Variants in PHACTR4 observed in about 807,000 individuals in gnomAD.
PHACTR4 encodes phosphatase and actin regulator 4.
A neutral mutation model predicts 72.7 loss-of-function variants in PHACTR4; 51 were observed. The observed-to-expected ratio is 0.70, with a 90% CI of 0.56 to 0.89. The LOEUF (loss-of-function observed/expected upper bound fraction) is 0.89, where lower values mean the gene tolerates loss of function less well. Ranked by LOEUF, PHACTR4 falls within the 40% of genes least tolerant of loss-of-function variation. The pLI is 0.00. For synonymous variants in PHACTR4, 255 were observed against 302.5 expected (o/e 0.84, Z 1.63); for missense variants, 731 against 861.8 (o/e 0.85, Z 1.90).
At chr1:28,379,200 C>G (rs942192345) in intron 1 of PHACTR4, among the ~76,000 whole-genome samples, 1 of 152,002 alleles carries the variant, frequency 6.6e-6, no homozygotes, top group Admixed American at 6.6e-5. Context: ...AGCGATCTTC[C>G]TGCCTGGGCC....
At chr1:28,375,384 A>G (rs1379563056) in intron 1 of PHACTR4, among the ~76,000 whole-genome samples, 1 of 148,496 alleles carries the variant, frequency 6.7e-6, no homozygotes, top group Non-Finnish European at 1.5e-5. Context: ...AAGATTATTT[A>G]TAAAGAGAGA....
At chr1:28,426,208 G>A (rs1212024084) in intron 2 of PHACTR4, among the ~76,000 whole-genome samples, 1 of 138,014 alleles carries the variant, frequency 7.2e-6, no homozygotes, top group African/African-American at 3.0e-5. Flanking sequence ...GCAACAGAGC[G>A]AGAAACCTTC....
chr1:28,497,186 AT>A lies in PHACTR4; in HGVS notation c.*638del, dbSNP rs1455127029. On this transcript the variant is annotated 3_prime_UTR_variant, in exon 14 of 14. Coordinates refer to ENST00000373839, the MANE Select transcript of PHACTR4 (RefSeq NM_001048183.3). ...TTCTTCCTTTTCCTCACAAGTCATCATGATTTTTTATTTTAAAATAATCTGG... is the reference window on the plus strand; with the variant it reads ...TTCTTCCTTTTCCTCACAAGTCATCAGATTTTTTATTTTAAAATAATCTGG... 6.6e-6 allele frequency: 1 copy of A among 152,174 alleles called. No homozygotes were observed. The highest frequency in any genetic ancestry group is 1.5e-5 in the Non-Finnish European group (1 of 68,048). 9.4% of individuals were successfully genotyped at this position (152,174 alleles called of 1,614,324 possible).
intron 12 of PHACTR4, among the ~76,000 whole-genome samples, chr1:28,492,669 A>C (rs1380382574): frequency 6.6e-6 from 1 of 152,076 alleles, no homozygotes; most frequent in Non-Finnish European, 1.5e-5. Flanking sequence ...CTGAGGCAGG[A>C]GAATCGCCTG....
At chr1:28,479,881 A>G (rs1245629627) in intron 8 of PHACTR4, among the ~76,000 whole-genome samples, 1 of 152,224 alleles carries the variant, frequency 6.6e-6, no homozygotes, top group Non-Finnish European at 1.5e-5. Context: ...CAACAAGAGC[A>G]AAAGCTCTGT....
chr1:28,407,345 T>A, intron 1 of PHACTR4, 65 bp from the exon 2 acceptor site: 1 of 825,136 alleles, frequency 1.2e-6, no homozygotes, highest in Non-Finnish European at 1.9e-6. Flanking sequence ...GATTATTTTT[T>A]TAAAAGCATA....
intron 2 of PHACTR4, among the ~76,000 whole-genome samples, chr1:28,409,845 C>G (rs902007870): frequency 6.6e-6 from 1 of 151,834 alleles, no homozygotes; most frequent in Admixed American, 6.6e-5. Flanking sequence ...TCTTTCCCCC[C>G]TGAAGAGTAG....
intron 2 of PHACTR4, among the ~76,000 whole-genome samples, chr1:28,447,032 A>T (rs1405378826): frequency 1.5e-5 from 2 of 129,608 alleles, no homozygotes; most frequent in Non-Finnish European, 3.1e-5. Context: ...ATTTATTTAG[A>T]TAGAGTCTCA....
intron 2 of PHACTR4, among the ~76,000 whole-genome samples, chr1:28,433,368 A>G (rs1320708749): frequency 1.3e-5 from 2 of 152,040 alleles, no homozygotes; most frequent in African/African-American, 4.8e-5. Context: ...TGATTGTTAG[A>G]AGAAAAATGA....
intron 9 of PHACTR4, among the ~76,000 whole-genome samples, chr1:28,485,323 T>C (rs979179123): frequency 1.3e-5 from 2 of 152,218 alleles, no homozygotes; most frequent in African/African-American, 4.8e-5. Context: ...GCGCGGTGGC[T>C]CACGCCTGTA....
At position 28,483,572 on chromosome 1, in the gene PHACTR4, C is replaced by T. The variant is rs142459614; in HGVS notation, c.1760+2968C>T. ...ATCTCAGCACTTTGGGAGGCCGAGG[C>T]GGGTGGATCATGAGGTCAGGAGATC... On this transcript the variant is annotated intron_variant, in intron 9 of 13. Transcript: ENST00000373839. Among the ~76,000 whole-genome samples the T allele has an allele frequency of 4.1e-3, 627 of 151,920 alleles. 5 individuals are homozygous for T. Among genetic ancestry groups the T allele is most frequent in the African/African-American group, 0.014 (597 of 41,462 alleles).
At chr1:28,477,072 A>G (rs1201877723) in intron 8 of PHACTR4, among the ~76,000 whole-genome samples, 1 of 144,006 alleles carries the variant, frequency 6.9e-6, no homozygotes, top group Non-Finnish European at 1.5e-5. Flanking sequence ...GCCTGGCCAT[A>G]AAAGATATAT....
chr1:28,384,415 T>C (rs1299126747), intron 1 of PHACTR4, among the ~76,000 whole-genome samples: 2 of 152,212 alleles, frequency 1.3e-5, no homozygotes, highest in African/African-American at 2.4e-5. Context: ...CTAGGAATTA[T>C]CCATTTTTTC....
intron 2 of PHACTR4, among the ~76,000 whole-genome samples, chr1:28,439,525 C>T (rs956622609): frequency 1.3e-5 from 2 of 152,102 alleles, no homozygotes; most frequent in Non-Finnish European, 1.5e-5. Context: ...ATTTTCAGAA[C>T]TGAAGTCAGG....
chr1:28,381,168 G>T (rs994162348), intron 1 of PHACTR4, among the ~76,000 whole-genome samples: 6 of 150,840 alleles, frequency 4.0e-5, no homozygotes, highest in East Asian at 2.0e-4. Context: ...CACCACGCCC[G>T]GCTAATTTTT....
At chr1:28,452,313 C>T (rs1376342339) in intron 2 of PHACTR4, among the ~76,000 whole-genome samples, 1 of 152,030 alleles carries the variant, frequency 6.6e-6, no homozygotes, top group African/African-American at 2.4e-5. Flanking sequence ...CAAGGTCGAC[C>T]TGGGCGACAT....
intron 1 of PHACTR4, among the ~76,000 whole-genome samples, chr1:28,379,893 A>G (rs1182085682): frequency 6.6e-6 from 1 of 151,470 alleles, no homozygotes; most frequent in Non-Finnish European, 1.5e-5. Context: ...CCAGCCTATA[A>G]TTTCTTATAT....
intron 1 of PHACTR4, among the ~76,000 whole-genome samples, chr1:28,388,782 G>A (rs180676311): frequency 5.3e-5 from 8 of 152,174 alleles, no homozygotes; most frequent in African/African-American, 7.2e-5. Context: ...CCCAGGAGGC[G>A]GAGGTTGCAG....
chr1:28,422,112 A>T (rs1655546556), intron 2 of PHACTR4, among the ~76,000 whole-genome samples: 1 of 152,226 alleles, frequency 6.6e-6, no homozygotes, highest in East Asian at 1.9e-4. Flanking sequence ...ATTTTATACA[A>T]ATAAAAATAC....
Sources: allele counts gnomAD v4.1 joint callset (sites outside exome capture counted in the v4.1 genomes callset), GRCh38; gene constraint gnomAD v4.1.1; transcripts MANE v1.5; gene names NCBI Gene and HGNC (gene_info 2026-07-23, HGNC 2026-07-21).